PCDH9: variants seen among roughly 807,000 people sequenced by gnomAD.
PCDH9 encodes the protein protocadherin-9.
Under a neutral mutation model 70.6 loss-of-function variants are expected in PCDH9, and 24 were observed. The observed-to-expected ratio is 0.34, with a 90% CI of 0.25 to 0.48. The LOEUF is 0.48. Among genes scored for constraint, PCDH9 ranks in the 20% least tolerant of loss-of-function variants. The pLI is 0.99. For synonymous variants in PCDH9, 562 were observed against 558.5 expected (o/e 1.01, Z -0.09); for missense variants, 1,281 against 1,503.6 (o/e 0.85, Z 2.45).
intron 3 of PCDH9, among the ~76,000 whole-genome samples, chr13:66,794,119 C>T (rs1333007062): frequency 6.6e-6 from 1 of 151,828 alleles, no homozygotes. Context: ...TTTTATTTGT[C>T]TTAGAAACAA....
intron 4 of PCDH9, among the ~76,000 whole-genome samples, chr13:66,396,376 C>T (rs371585646): frequency 2.1e-4 from 32 of 152,112 alleles, no homozygotes; most frequent in Non-Finnish European, 1.5e-5. Context: ...TAGCTTCTCC[C>T]GAATAGGTGA....
At chr13:66,730,897 T>TTTTTTTTTTTTG (rs1555262885) in intron 3 of PCDH9, among the ~76,000 whole-genome samples, 22 of 129,096 alleles carry the variant, frequency 1.7e-4, no homozygotes, top group Admixed American at 2.6e-4. Flanking sequence ...GTTTGTTTCT[T>TTTTTTTTTTTTG]TTTTTTTGTG....
At chr13:66,686,313 C>T (rs577549919) in intron 3 of PCDH9, among the ~76,000 whole-genome samples, 65 of 152,232 alleles carry the variant, frequency 4.3e-4, no homozygotes, top group African/African-American at 1.5e-3. Flanking sequence ...TGGCACTTAT[C>T]TTTCCTGCCA....
intron 2 of PCDH9, among the ~76,000 whole-genome samples, chr13:67,189,438 A>T (rs1187144566): frequency 1.3e-5 from 2 of 152,124 alleles, no homozygotes; most frequent in African/African-American, 2.4e-5. Flanking sequence ...AAATGTGGCT[A>T]CTGTGACTGA....
intron 4 of PCDH9, among the ~76,000 whole-genome samples, chr13:66,371,186 C>A (rs575411982): frequency 6.6e-6 from 1 of 152,086 alleles, no homozygotes; most frequent in African/African-American, 2.4e-5. Flanking sequence ...TTGAGAAAAT[C>A]TTTCATGATC....
chr13:66,648,237 C>A (rs560202212), intron 3 of PCDH9, among the ~76,000 whole-genome samples: 2 of 152,310 alleles, frequency 1.3e-5, no homozygotes, highest in Admixed American at 6.5e-5. Context: ...GTGGTTACTG[C>A]AGGCTGGGGG....
chr13:66,929,450 T>C (rs1295090329), intron 2 of PCDH9, among the ~76,000 whole-genome samples: 1 of 151,840 alleles, frequency 6.6e-6, no homozygotes, highest in African/African-American at 2.4e-5. Context: ...CAGCCTCCCT[T>C]GTAACTGTGA....
intron 2 of PCDH9, among the ~76,000 whole-genome samples, chr13:66,950,278 TAGA>T (rs942923646): frequency 1.3e-5 from 2 of 152,126 alleles, no homozygotes; most frequent in African/African-American, 2.4e-5. Context: ...CAAAATCAGA[TAGA>T]AGAATATTTG....
intron 2 of PCDH9, among the ~76,000 whole-genome samples, chr13:66,939,477 G>T (rs576150239): frequency 1.4e-5 from 2 of 147,676 alleles, no homozygotes; most frequent in South Asian, 4.3e-4. Flanking sequence ...TTGCTCTGTT[G>T]CCCAGGGTGC....
chr13:66,890,448 CTTTTTTTTT>C (rs36076373), intron 3 of PCDH9, among the ~76,000 whole-genome samples: 22 of 100,564 alleles, frequency 2.2e-4, no homozygotes, highest in African/African-American at 7.5e-4. Context: ...GACTTCTGAA[CTTTTTTTTT>C]TTTTTTTTTT....
intron 2 of PCDH9, among the ~76,000 whole-genome samples, chr13:67,193,899 G>A (rs1251103105): frequency 3.9e-5 from 6 of 152,086 alleles, no homozygotes; most frequent in Non-Finnish European, 7.4e-5. Context: ...TTATACAAAC[G>A]AGGCCAACAT....
At chr13:66,634,174 T>C (rs957974922) in intron 3 of PCDH9, among the ~76,000 whole-genome samples, 5 of 152,200 alleles carry the variant, frequency 3.3e-5, no homozygotes, top group Non-Finnish European at 7.4e-5. Flanking sequence ...AAAATCTTTC[T>C]GAATTAATTT....
At chr13:66,972,914 T>C (rs2083550044) in intron 2 of PCDH9, among the ~76,000 whole-genome samples, 1 of 152,064 alleles carries the variant, frequency 6.6e-6, no homozygotes, top group South Asian at 2.1e-4. Flanking sequence ...GTCACTTTCT[T>C]TTCTTTGCCC....
chr13:66,881,365 T>C (rs1348567967), intron 3 of PCDH9, among the ~76,000 whole-genome samples: 2 of 152,168 alleles, frequency 1.3e-5, no homozygotes, highest in Admixed American at 6.5e-5. Context: ...ACATCTTACA[T>C]GGATGGCGGC....
At chr13:66,356,783 T>G (rs1008219316) in intron 4 of PCDH9, among the ~76,000 whole-genome samples, 4 of 152,104 alleles carry the variant, frequency 2.6e-5, no homozygotes, top group African/African-American at 9.7e-5. Context: ...TGCTACATCC[T>G]TACTAGATAT....
intron 2 of PCDH9, among the ~76,000 whole-genome samples, chr13:67,049,904 T>A (rs190064506): frequency 3.3e-5 from 5 of 152,292 alleles, no homozygotes; most frequent in African/African-American, 9.6e-5. Context: ...AGACAAGATA[T>A]CCAACAGTTA....
At chr13:67,216,156 C>T (rs2138099708) in intron 2 of PCDH9, 1 of 152,126 alleles carries the variant, frequency 6.6e-6, no homozygotes, top group African/African-American at 2.4e-5. Context: ...AAGTCAATAA[C>T]CCTTAGCTAA....
intron 4 of PCDH9, among the ~76,000 whole-genome samples, chr13:66,588,541 C>T (rs1171395561): frequency 1.3e-5 from 2 of 151,594 alleles, no homozygotes; most frequent in East Asian, 3.9e-4. Context: ...CATATATATG[C>T]ACACTTCATA....
intron 4 of PCDH9, among the ~76,000 whole-genome samples, chr13:66,546,824 T>G (rs897845179): frequency 4.6e-5 from 7 of 152,196 alleles, no homozygotes; most frequent in African/African-American, 1.7e-4. Context: ...TACTGTGTCT[T>G]TCCTATGTTT....
Sources: allele counts gnomAD v4.1 joint callset (sites outside exome capture counted in the v4.1 genomes callset), GRCh38; gene constraint gnomAD v4.1.1; transcripts MANE v1.5; gene names NCBI Gene and HGNC (gene_info 2026-07-23, HGNC 2026-07-21).